SGCZ: variants seen among roughly 807,000 people sequenced by gnomAD.
SGCZ encodes sarcoglycan zeta.
SGCZ carries 40 observed loss-of-function variants against 41.3 expected under a neutral mutation model. The ratio of observed to expected loss-of-function variants is 0.97; its 90% CI spans 0.75 to 1.26. The LOEUF is 1.26. Among genes scored for constraint, SGCZ ranks in the 50% most tolerant of loss-of-function variants. The pLI, the probability that SGCZ is intolerant of heterozygous loss-of-function variation, is 0.00. For synonymous variants in SGCZ, 206 were observed against 137.5 expected (o/e 1.50, Z -3.49); for missense variants, 552 against 369.8 (o/e 1.49, Z -4.04).
chr8:14,343,375 A>C (rs1008596238), intron 2 of SGCZ, among the ~76,000 whole-genome samples: 1 of 152,110 alleles, frequency 6.6e-6, no homozygotes, highest in Non-Finnish European at 1.5e-5. Context: ...AGCCACAGAC[A>C]CTCAACACCA....
Position 14,545,356 on chromosome 8 carries a change from G to A in SGCZ, c.234+9376C>T, listed in dbSNP as rs191464908. Among the ~76,000 whole-genome samples, 200 of 150,696 alleles carry A rather than the reference G, an allele frequency of 1.3e-3. 4 individuals are homozygous for A. The highest frequency in any genetic ancestry group is 4.2e-3 in the African/African-American group (173 of 41,132). The stretch of plus-strand genomic sequence containing the variant: ...TTTTTATTAAGATAATATTATCTTT[G>A]CTTGGAAACAACAAATAAGACAATA... On this transcript the variant is annotated intron_variant, in intron 2 of 7. Transcript: ENST00000382080.
chr8:15,025,909 C>A (rs896521875), intron 1 of SGCZ, among the ~76,000 whole-genome samples: 1 of 152,100 alleles, frequency 6.6e-6, no homozygotes, highest in Non-Finnish European at 1.5e-5. Flanking sequence ...GCTAGCCTTA[C>A]ATTCCTGTAG....
At chr8:15,216,887 T>A in intron 1 of SGCZ, among the ~76,000 whole-genome samples, 1 of 152,184 alleles carries the variant, frequency 6.6e-6, no homozygotes, top group African/African-American at 2.4e-5. Flanking sequence ...AAAAGAGTTA[T>A]AGAGAGATTT....
At chr8:14,769,067 A>T (rs1290210126) in intron 1 of SGCZ, among the ~76,000 whole-genome samples, 2 of 152,092 alleles carry the variant, frequency 1.3e-5, no homozygotes, top group Non-Finnish European at 2.9e-5. Context: ...TCTGGTAGGT[A>T]GAAAAAAGGC....
chr8:14,799,366 A>G (rs1445636853), intron 1 of SGCZ, among the ~76,000 whole-genome samples: 1 of 152,206 alleles, frequency 6.6e-6, no homozygotes, highest in Non-Finnish European at 1.5e-5. Context: ...ATTCACTTTA[A>G]GAAAAAGGCA....
intron 1 of SGCZ, among the ~76,000 whole-genome samples, chr8:14,595,273 G>A (rs993402062): frequency 6.6e-6 from 1 of 151,850 alleles, no homozygotes; most frequent in Non-Finnish European, 1.5e-5. Context: ...GTATTTTTTT[G>A]GAAAACATAT....
intron 1 of SGCZ, among the ~76,000 whole-genome samples, chr8:15,043,875 T>A (rs1053795775): frequency 2.6e-5 from 4 of 152,078 alleles, no homozygotes; most frequent in Non-Finnish European, 4.4e-5. Flanking sequence ...CTTTCTTCAG[T>A]TGAAAACCAA....
intron 2 of SGCZ, among the ~76,000 whole-genome samples, chr8:14,544,604 T>C (rs1379997455): frequency 1.3e-5 from 2 of 152,048 alleles, no homozygotes; most frequent in Non-Finnish European, 2.9e-5. Flanking sequence ...AATGTCTGTC[T>C]TGTGCAGTTG....
At chr8:14,586,917 G>A (rs1309188051) in intron 1 of SGCZ, among the ~76,000 whole-genome samples, 1 of 151,760 alleles carries the variant, frequency 6.6e-6, no homozygotes, top group Non-Finnish European at 1.5e-5. Flanking sequence ...TGATTACCTA[G>A]TTAAATTGCA....
At chr8:14,945,733 C>T in intron 1 of SGCZ, among the ~76,000 whole-genome samples, 1 of 151,588 alleles carries the variant, frequency 6.6e-6, no homozygotes, top group Middle Eastern at 3.2e-3. Context: ...TTCTCTTTCT[C>T]CCTCTCCTGA....
At chr8:14,574,632 G>A (rs1029399054) in intron 1 of SGCZ, among the ~76,000 whole-genome samples, 2 of 152,118 alleles carry the variant, frequency 1.3e-5, no homozygotes, top group East Asian at 3.9e-4. Context: ...TTGAACCTAA[G>A]AATAAAATCA....
At chr8:14,433,396 T>C (rs1800000977) in intron 2 of SGCZ, among the ~76,000 whole-genome samples, 1 of 152,196 alleles carries the variant, frequency 6.6e-6, no homozygotes, top group Non-Finnish European at 1.5e-5. Context: ...CCACAATGAA[T>C]TGTTTATTGC....
At chr8:14,260,497 C>T (rs368363804) in intron 3 of SGCZ, among the ~76,000 whole-genome samples, 20,145 of 140,122 alleles carry the variant, frequency 0.14, 1,538 homozygotes, top group Middle Eastern at 0.21. Context: ...ACACTGTTGG[C>T]GGGACTGTAA....
chr8:14,978,621 G>A (rs2130876469), intron 1 of SGCZ, among the ~76,000 whole-genome samples: 1 of 151,694 alleles, frequency 6.6e-6, no homozygotes, highest in East Asian at 1.9e-4. Flanking sequence ...TTTGCCAGCT[G>A]CATCCCAACT....
intron 1 of SGCZ, among the ~76,000 whole-genome samples, chr8:15,126,733 A>T (rs1458086875): frequency 6.6e-6 from 1 of 152,176 alleles, no homozygotes; most frequent in Non-Finnish European, 1.5e-5. Flanking sequence ...AGGCACCGAG[A>T]CTTAAAAAGT....
At chr8:14,425,792 G>A (rs78848478) in intron 2 of SGCZ, among the ~76,000 whole-genome samples, 1 of 152,012 alleles carries the variant, frequency 6.6e-6, no homozygotes, top group Non-Finnish European at 1.5e-5. Flanking sequence ...AAGTGGTACA[G>A]ACTATAATCC....
At chr8:14,250,695 C>G (rs1372401984) in intron 3 of SGCZ, among the ~76,000 whole-genome samples, 4 of 152,088 alleles carry the variant, frequency 2.6e-5, no homozygotes, top group South Asian at 4.2e-4. Flanking sequence ...CCTTGAGATG[C>G]CAGAATCGTT....
chr8:14,417,414 C>G (rs534370928), intron 2 of SGCZ, among the ~76,000 whole-genome samples: 1 of 151,758 alleles, frequency 6.6e-6, no homozygotes, highest in Non-Finnish European at 1.5e-5. Context: ...TTGATTACAC[C>G]TAAGATTATT....
chr8:15,075,854 T>G (rs1434246033), intron 1 of SGCZ, among the ~76,000 whole-genome samples: 3 of 152,116 alleles, frequency 2.0e-5, no homozygotes, highest in African/African-American at 4.8e-5. Context: ...CTACCAATAT[T>G]TTTCTAAAGC....
Sources: allele counts gnomAD v4.1 joint callset (sites outside exome capture counted in the v4.1 genomes callset), GRCh38; gene constraint gnomAD v4.1.1; transcripts MANE v1.5; gene names NCBI Gene and HGNC (gene_info 2026-07-23, HGNC 2026-07-21).